Variants in TXNL1 observed in about 807,000 individuals in gnomAD.
The protein encoded by TXNL1 is thioredoxin-like protein 1.
A neutral mutation model predicts 35.5 loss-of-function variants in TXNL1; 14 were observed. The observed-to-expected ratio is 0.39, with a 90% CI of 0.26 to 0.62. TXNL1 has a LOEUF of 0.62. Ranked by LOEUF, TXNL1 falls within the 20% of genes least tolerant of loss-of-function variation. The probability of loss-of-function intolerance (pLI) is 0.47; values close to 1 mark genes in which losing one functional copy is unlikely to be tolerated. For missense variants in TXNL1, 263 were observed against 349.7 expected (o/e 0.75, Z 1.98); for synonymous variants, 110 against 115.5 (o/e 0.95, Z 0.31).
intron 7 of TXNL1, chr18:56,608,469 A>C (rs918863269): frequency 2.6e-5 from 4 of 152,264 alleles, no homozygotes; most frequent in African/African-American, 9.6e-5. Flanking sequence ...ATTAAAAGCA[A>C]GGGGCTAAGA....
At chr18:56,614,386 C>A in intron 6 of TXNL1, 38 bp downstream of exon 6, 1 of 1,572,700 alleles carries the variant, frequency 6.4e-7, no homozygotes, top group Non-Finnish European at 8.7e-7. Flanking sequence ...TTGTTACTCA[C>A]AAACCTATTA....
intron 7 of TXNL1, among the ~76,000 whole-genome samples, chr18:56,604,113 G>T (rs775786802): frequency 2.0e-5 from 3 of 152,046 alleles, no homozygotes; most frequent in Non-Finnish European, 2.9e-5. Flanking sequence ...CTCACTTCTA[G>T]TACCTTAAAA....
intron 3 of TXNL1, among the ~76,000 whole-genome samples, chr18:56,622,544 G>GA (rs1368984624): frequency 1.3e-5 from 2 of 151,814 alleles, no homozygotes; most frequent in Non-Finnish European, 2.9e-5. Flanking sequence ...ACACCTGACA[G>GA]AAAAAAAGGG....
At chr18:56,614,692 A>C in intron 5 of TXNL1, 96 bp from the exon 6 acceptor site, 1 of 924,474 alleles carries the variant, frequency 1.1e-6, no homozygotes, top group Non-Finnish European at 1.6e-6. Flanking sequence ...ACACACACAA[A>C]TCAATACACA....
In TXNL1 at chr18:56,615,470, T is replaced by TGGG. The variant is rs5825193; in HGVS notation, c.562+772_562+774dup. Among the ~76,000 whole-genome samples the TGGG allele has an allele frequency of 7.1e-3, 968 of 136,278 alleles. 12 individuals carry two copies. Among genetic ancestry groups the TGGG allele is most frequent in the African/African-American group, 0.024 (881 of 36,238 alleles). The allele number at this position is 136,278 out of a possible 152,430, so 89.4% of individuals were successfully genotyped here. A position where few individuals can be genotyped will look rare whatever the true frequency, so the allele number is the denominator to read the frequency against. ...AAAAGCTTAACAGAAAAAGAAAAAA[T>TGGG]GGGGGGGGGCAAAAAAGGAAAATTC... is the stretch of plus-strand genomic sequence containing the variant. On this transcript the variant is annotated intron_variant, in intron 5 of 7. Coordinates refer to ENST00000217515, the MANE Select transcript of TXNL1 (RefSeq NM_004786.3).
In TXNL1 at chr18:56,600,112, G is replaced by C. The variant is rs2023793174; in HGVS notation, c.*2915C>G. 1 of 152,188 alleles carries C rather than the reference G, an allele frequency of 6.6e-6. No individual in the cohort carries two copies. 9.4% of individuals were successfully genotyped at this position (152,188 alleles called of 1,614,324 possible). On this transcript the variant is annotated 3_prime_UTR_variant, in exon 8 of 8. Transcript: ENST00000217515. ...CTTTTAGACATTAAGAGGAACAAGGGAGGATCTGAACTATTTTAGGTTTAA... is the reference window on the plus strand; with the variant it reads ...CTTTTAGACATTAAGAGGAACAAGGCAGGATCTGAACTATTTTAGGTTTAA...
chr18:56,627,981 A>G (rs2024313731), intron 1 of TXNL1, among the ~76,000 whole-genome samples: 1 of 152,190 alleles, frequency 6.6e-6, no homozygotes, highest in African/African-American at 2.4e-5. Context: ...TATCAAACAA[A>G]GGACTTATAC....
chr18:56,631,212 T>G lies in TXNL1; in HGVS notation c.99-4755A>C, dbSNP rs189689246. On this transcript the variant is annotated intron_variant, in intron 1 of 7. Coordinates refer to ENST00000217515, the MANE Select transcript of TXNL1 (RefSeq NM_004786.3). ...CATTTTACATAAGATGTCTGTCTCCTTAACAGGAGCAGTTGAGAGTAAACA... is the reference window on the plus strand; with the variant it reads ...CATTTTACATAAGATGTCTGTCTCCGTAACAGGAGCAGTTGAGAGTAAACA... Among the ~76,000 whole-genome samples, 6 of 152,294 alleles carry G rather than the reference T, an allele frequency of 3.9e-5. No individual in the cohort carries two copies. The East Asian group carries it at 1.2e-3, about 29-fold the overall frequency.
At chr18:56,607,183 G>A (rs573170281) in intron 7 of TXNL1, among the ~76,000 whole-genome samples, 1 of 149,506 alleles carries the variant, frequency 6.7e-6, no homozygotes, top group African/African-American at 2.5e-5. Flanking sequence ...GTGTGTGTGT[G>A]TGTGTGTGTA....
chr18:56,626,457 C>A lies in TXNL1; in HGVS notation c.99G>T (p.Gly33=). The A allele has an allele frequency of 6.2e-7, 1 of 1,600,958 alleles. No homozygotes were observed. The highest frequency in any genetic ancestry group is 8.5e-7 in the Non-Finnish European group (1 of 1,176,260). ...RLAVVKFTMR[G]CGPCLRIAPA... ...GGGCAATCCTCAAACATGGCCCACA[C>A]CTGTTAGAAAAGGAAAATTAAGTAA... is the stretch of plus-strand genomic sequence containing the variant. The change falls in exon 2 of 8, where the codon GGG becomes GGT. Residue 33 remains glycine, a splice_region_variant and synonymous_variant. Transcript: ENST00000217515.
intron 7 of TXNL1, 86 bp from the exon 8 acceptor site, chr18:56,603,142 T>C: frequency 3.3e-6 from 4 of 1,226,638 alleles, no homozygotes; most frequent in Admixed American, 4.0e-5. Flanking sequence ...GTTTAAAACC[T>C]TGGTATTAAT....
intron 1 of TXNL1, among the ~76,000 whole-genome samples, chr18:56,629,014 T>C (rs117407125): frequency 0.015 from 2,345 of 152,348 alleles, 27 homozygotes; most frequent in Non-Finnish European, 0.026. Flanking sequence ...TATATATCAC[T>C]ACACTGTTTT....
At chr18:56,633,532 T>C (rs535568949) in intron 1 of TXNL1, among the ~76,000 whole-genome samples, 15 of 148,752 alleles carry the variant, frequency 1.0e-4, no homozygotes, top group African/African-American at 2.2e-4. Flanking sequence ...GTTGGGAGGA[T>C]TGCTTGAGCC....
Position 56,626,418 on chromosome 18 carries a change from A to T in TXNL1, c.138T>A (p.Ser46=), listed in dbSNP as rs748216542. The change falls in exon 2 of 8, where the codon TCT becomes TCA. Residue 46 remains serine, a synonymous_variant. Transcript: ENST00000217515. The part of the protein sequence containing the change: ...PCLRIAPAFS[S]MSNKYPQAVF... ...CAGCCTGTGGATATTTATTACTCAT[A>T]GAACTGAATGCTGGGGCAATCCTCA... 2 of 1,613,844 alleles carry T rather than the reference A, an allele frequency of 1.2e-6. No homozygotes were observed. The highest frequency in any genetic ancestry group is 1.7e-6 in the Non-Finnish European group (2 of 1,179,846).
rs2023775502 is a variant in TXNL1, at chr18:56,598,934, A to G, written c.*4093T>C. The G allele has an allele frequency of 6.6e-6, 1 of 152,198 alleles. No homozygotes were observed. 9.4% of individuals were successfully genotyped at this position (152,198 alleles called of 1,614,324 possible). On this transcript the variant is annotated 3_prime_UTR_variant, in exon 8 of 8. Coordinates refer to ENST00000217515, the MANE Select transcript of TXNL1 (RefSeq NM_004786.3). The stretch of plus-strand genomic sequence containing the variant: ...TAGTATGATGAGCCAGTATCTCCAA[A>G]TGCGTGTCCAATTATAAACCAACAG...
chr18:56,618,135 A>G lies in TXNL1; in HGVS notation c.370-9T>C. ...AAAGGCATTAAATCCATCTGAAAAAAAATTGCAAGATTTTAGGCAACATAT... is the reference window on the plus strand; with the variant it reads ...AAAGGCATTAAATCCATCTGAAAAAGAATTGCAAGATTTTAGGCAACATAT... On this transcript the variant is annotated splice_polypyrimidine_tract_variant and intron_variant, in intron 3 of 7. Transcript: ENST00000217515. 1 of 1,611,822 alleles carries G rather than the reference A, an allele frequency of 6.2e-7. No homozygotes were observed. Among genetic ancestry groups the G allele is most frequent in the South Asian group, 1.1e-5 (1 of 90,864 alleles).
chr18:56,635,231 C>T (rs1304295855), intron 1 of TXNL1, among the ~76,000 whole-genome samples: 1 of 152,084 alleles, frequency 6.6e-6, no homozygotes, highest in Non-Finnish European at 1.5e-5. Context: ...GCACTCCAGC[C>T]TGGGCAACAG....
intron 1 of TXNL1, among the ~76,000 whole-genome samples, chr18:56,632,328 CA>C (rs572136011): frequency 5.9e-4 from 90 of 152,074 alleles, no homozygotes; most frequent in African/African-American, 2.1e-3. Flanking sequence ...AAACTTTAAG[CA>C]ATTTATACAT....
intron 1 of TXNL1, among the ~76,000 whole-genome samples, chr18:56,628,594 C>A (rs1017311780): frequency 6.6e-6 from 1 of 152,148 alleles, no homozygotes; most frequent in Non-Finnish European, 1.5e-5. Context: ...TATATGACTA[C>A]ATACAGTTCA....
Sources: allele counts gnomAD v4.1 joint callset (sites outside exome capture counted in the v4.1 genomes callset), GRCh38; gene constraint gnomAD v4.1.1; transcripts MANE v1.5; gene names NCBI Gene and HGNC (gene_info 2026-07-23, HGNC 2026-07-21).